The following CALCR variants were observed in gnomAD, a reference collection of about 807,000 sequenced individuals.
The protein encoded by CALCR is calcitonin receptor.
A neutral mutation model predicts 59.5 loss-of-function variants in CALCR; 47 were observed. The ratio of observed to expected loss-of-function variants is 0.79; its 90% confidence interval spans 0.63 to 1.01. The LOEUF (loss-of-function observed/expected upper bound fraction) is 1.01. Among genes scored for constraint, CALCR ranks in the 50% least tolerant of loss-of-function variants. The pLI is 0.00. For synonymous variants in CALCR, 213 were observed against 211.3 expected (o/e 1.01, Z -0.07); for missense variants, 566 against 597.1 (o/e 0.95, Z 0.54).
chr7:93,502,382 T>C (rs150153893), intron 2 of CALCR, among the ~76,000 whole-genome samples: 4,237 of 152,276 alleles, frequency 0.028, 65 homozygotes, highest in Non-Finnish European at 0.042. Flanking sequence ...TCTTTCCACA[T>C]TTCACACTGA....
At chr7:93,435,851 C>A (rs555079111) in intron 12 of CALCR, 101 bp downstream of exon 12, 51 of 423,978 alleles carry the variant, frequency 1.2e-4, no homozygotes, top group African/African-American at 1.1e-3. Flanking sequence ...AATAAATAAA[C>A]AAATAAGTAA....
rs532035408 is a variant in CALCR, at chr7:93,510,871, AAAAC to A, written c.-26-23868_-26-23865del. Reference sequence around the variant, plus strand: ...AACAGAGCGAGACCTTGTCTCTACAAAAACAAACAAACAAACAAACAAAAATTAT... The same window carrying A: ...AACAGAGCGAGACCTTGTCTCTACAAAAACAAACAAACAAACAAAAATTAT... On this transcript the variant is annotated intron_variant, in intron 2 of 13. Coordinates refer to ENST00000426151, the MANE Select transcript of CALCR (RefSeq NM_001742.4). Among the ~76,000 whole-genome samples the A allele has an allele frequency of 3.8e-3, 573 of 152,144 alleles. 2 individuals carry two copies. Among genetic ancestry groups the A allele is most frequent in the African/African-American group, 0.013 (539 of 41,492 alleles).
chr7:93,549,881 T>C (rs1789399991), intron 2 of CALCR, among the ~76,000 whole-genome samples: 1 of 152,204 alleles, frequency 6.6e-6, no homozygotes, highest in Non-Finnish European at 1.5e-5. Flanking sequence ...ATGCTGCTGA[T>C]AGAGCAGTGC....
At chr7:93,486,205 G>A (rs1215318587) in intron 3 of CALCR, among the ~76,000 whole-genome samples, 1 of 151,568 alleles carries the variant, frequency 6.6e-6, no homozygotes, top group Non-Finnish European at 1.5e-5. Context: ...ATTGATTTAC[G>A]TAAAATTTAC....
At chr7:93,551,492 A>G (rs547783080) in intron 2 of CALCR, among the ~76,000 whole-genome samples, 1 of 152,300 alleles carries the variant, frequency 6.6e-6, no homozygotes, top group African/African-American at 2.4e-5. Flanking sequence ...CAACTTCTTT[A>G]CAGGTTTTTT....
chr7:93,529,358 A>G (rs1278417529), intron 2 of CALCR, among the ~76,000 whole-genome samples: 4 of 151,904 alleles, frequency 2.6e-5, no homozygotes, highest in Admixed American at 2.6e-4. Context: ...ATGCTTGGAA[A>G]CTTCCTGAGG....
chr7:93,451,530 C>A (rs1313098494), intron 8 of CALCR, among the ~76,000 whole-genome samples: 1 of 151,896 alleles, frequency 6.6e-6, no homozygotes, highest in Non-Finnish European at 1.5e-5. Context: ...CCCTCCATCC[C>A]AAACTGTATT....
chr7:93,505,766 C>T lies in CALCR; in HGVS notation c.-26-18759G>A, dbSNP rs578136873. ...ACGCGCACACACTTCTTTTTACCATCCCATTCTAGCTAGAAGTTTATACAG... is the reference window on the plus strand; with the variant it reads ...ACGCGCACACACTTCTTTTTACCATTCCATTCTAGCTAGAAGTTTATACAG... On this transcript the variant is annotated intron_variant, in intron 2 of 13. Transcript: ENST00000426151. Among the ~76,000 whole-genome samples the T allele has an allele frequency of 2.6e-5, 4 of 152,258 alleles. No homozygotes were observed. In the East Asian group the frequency reaches 7.7e-4, roughly 29 times the overall value.
chr7:93,457,600 G>A (rs867783546), intron 8 of CALCR, among the ~76,000 whole-genome samples: 2 of 152,066 alleles, frequency 1.3e-5, no homozygotes, highest in African/African-American at 2.4e-5. Flanking sequence ...ATTCAAAAAC[G>A]GAAGCCTCAT....
intron 2 of CALCR, among the ~76,000 whole-genome samples, chr7:93,555,630 G>A (rs1189544169): frequency 6.6e-6 from 1 of 152,098 alleles, no homozygotes; most frequent in East Asian, 1.9e-4. Flanking sequence ...GGGAAACATT[G>A]AATTCCAAAC....
At chr7:93,543,071 A>G (rs1433778392) in intron 2 of CALCR, among the ~76,000 whole-genome samples, 1 of 152,194 alleles carries the variant, frequency 6.6e-6, no homozygotes, top group Admixed American at 6.5e-5. Flanking sequence ...CATATTATGT[A>G]ATGCACATAA....
At chr7:93,436,269 G>T in intron 11 of CALCR, 99 bp from the exon 12 acceptor site, 1 of 934,816 alleles carries the variant, frequency 1.1e-6, no homozygotes, top group Non-Finnish European at 1.7e-6. Flanking sequence ...AGCAACAAAT[G>T]TTACCTACAT....
chr7:93,571,644 T>C (rs1790008167), intron 2 of CALCR, among the ~76,000 whole-genome samples: 1 of 152,136 alleles, frequency 6.6e-6, no homozygotes, highest in South Asian at 2.1e-4. Context: ...TTGTAAAAAA[T>C]ACAAATATGT....
At chr7:93,484,064 T>A in intron 3 of CALCR, 1 of 484,960 alleles carries the variant, frequency 2.1e-6, no homozygotes, top group Non-Finnish European at 4.4e-6. Flanking sequence ...TTTTTTTCAG[T>A]CGACAAATAC....
At chr7:93,548,842 G>GTA (rs1318241899) in intron 2 of CALCR, among the ~76,000 whole-genome samples, 3 of 74,342 alleles carry the variant, frequency 4.0e-5, no homozygotes, top group African/African-American at 3.0e-4. Context: ...CAGAAGAAGT[G>GTA]TGTGTGTGTG....
At chr7:93,458,857 G>T (rs2115795721) in intron 8 of CALCR, among the ~76,000 whole-genome samples, 1 of 152,110 alleles carries the variant, frequency 6.6e-6, no homozygotes, top group East Asian at 1.9e-4. Context: ...CACCAATTTT[G>T]CAGAACAAAA....
At chr7:93,475,078 A>C (rs1201180648) in intron 5 of CALCR, among the ~76,000 whole-genome samples, 1 of 151,756 alleles carries the variant, frequency 6.6e-6, no homozygotes, top group Non-Finnish European at 1.5e-5. Context: ...CTAGTAAAAA[A>C]ATCCTTTCAA....
chr7:93,426,363 G>T lies in CALCR; in HGVS notation c.1418C>A (p.Ser473Tyr), dbSNP rs2115639998. ...GCTGTGTTTGCTTCACATTCAAGCA[G>T]ATGACTCTTGCTCTATGATATTCAA... Reference protein sequence around the residue: ...IPLNIIEQESSA With the variant: ...IPLNIIEQESYA The change falls in exon 14 of 14, where the codon TCT (serine) becomes TAT (tyrosine). Residue 473 changes from serine to tyrosine, a missense_variant. Ser to Tyr is a moderately radical substitution (Grantham distance 144, BLOSUM62 -2). Transcript: ENST00000426151. 3 of 1,570,116 alleles carry T rather than the reference G, an allele frequency of 1.9e-6. No homozygotes were observed. The highest frequency in any genetic ancestry group is 2.6e-6 in the Non-Finnish European group (3 of 1,140,122).
chr7:93,432,299 G>A (rs2115673766), intron 13 of CALCR, among the ~76,000 whole-genome samples: 1 of 152,192 alleles, frequency 6.6e-6, no homozygotes, highest in Admixed American at 6.5e-5. Context: ...TCAGTATTCA[G>A]CCAGGCACCA....
Sources: allele counts gnomAD v4.1 joint callset (sites outside exome capture counted in the v4.1 genomes callset), GRCh38; gene constraint gnomAD v4.1.1; transcripts MANE v1.5; gene names NCBI Gene and HGNC (gene_info 2026-07-23, HGNC 2026-07-21).